The following ARPC2 variants were observed in gnomAD, a reference collection of about 807,000 sequenced individuals.
The protein encoded by ARPC2 is actin related protein 2/3 complex subunit 2.
In ARPC2, 4 loss-of-function variants were observed where a neutral mutation model predicts 38.6. That is an observed-to-expected ratio of 0.10 (90% CI 0.05 to 0.24). ARPC2 has a LOEUF of 0.24. ARPC2 is among the 10% of genes least tolerant of loss of function. The pLI, the probability that ARPC2 is intolerant of heterozygous loss-of-function variation, is 1.00. For missense variants in ARPC2, 229 were observed against 387.3 expected (o/e 0.59, Z 3.43); for synonymous variants, 125 against 140.8 (o/e 0.89, Z 0.79).
intron 7 of ARPC2, 87 bp from the exon 8 acceptor site, chr2:218,245,333 A>G: frequency 6.4e-7 from 1 of 1,560,092 alleles, no homozygotes; most frequent in South Asian, 1.2e-5. Flanking sequence ...TACAAAGGTC[A>G]CACCACATAG....
At chr2:218,223,624 G>T (rs1457698900) in intron 2 of ARPC2, among the ~76,000 whole-genome samples, 1 of 152,170 alleles carries the variant, frequency 6.6e-6, no homozygotes, top group Non-Finnish European at 1.5e-5. Flanking sequence ...ACACCAACCT[G>T]GGAGGTAGAT....
In ARPC2 at chr2:218,218,312, G is replaced by A. The variant is rs979148498; in HGVS notation, c.74+768G>A. 2.0e-5 allele frequency among the ~76,000 whole-genome samples: 3 copies of A among 152,232 alleles called. No individual in the cohort carries two copies. In the East Asian group the frequency reaches 5.8e-4, roughly 29 times the overall value. On this transcript the variant is annotated intron_variant, in intron 2 of 10. Coordinates refer to ENST00000315717, the MANE Select transcript of ARPC2 (RefSeq NM_152862.3). ...CTGTGATTTCTTCTGTGGTAGCCCT[G>A]GCCCAGTTACACACTTCAAAGACTC...
chr2:218,217,444 C>A lies in ARPC2; in HGVS notation c.-8-19C>A, dbSNP rs769263604. ...TACCCACCCTCACCGGCCCTTGTTT[C>A]TCCTTCCCCTGGGGGCAGCCGCCGC... On this transcript the variant is annotated intron_variant, in intron 1 of 10. Coordinates refer to ENST00000315717, the MANE Select transcript of ARPC2 (RefSeq NM_152862.3). 1 of 1,612,842 alleles carries A rather than the reference C, an allele frequency of 6.2e-7. No individual in the cohort carries two copies. Among genetic ancestry groups the A allele is most frequent in the South Asian group, 1.1e-5 (1 of 91,052 alleles).
At chr2:218,217,275 T>G (rs1574570857) in intron 1 of ARPC2, 21 bp downstream of exon 1, 2 of 489,014 alleles carry the variant, frequency 4.1e-6, no homozygotes, top group East Asian at 7.4e-5. Flanking sequence ...TGGGTGGGTG[T>G]CTCCACAGTC....
In ARPC2 at chr2:218,249,397, G is replaced by A. The variant is rs767343116; in HGVS notation, c.710G>A (p.Arg237Gln). Residue 237 changes from arginine (R) to glutamine (Q), a missense_variant, in exon 9 of 11, where the codon CGA becomes CAA. Arg to Gln is a conservative substitution (Grantham distance 43). This residue lies in a region of ARPC2 where 92 missense variants were observed against 152.3 expected (regional missense o/e 0.60). Transcript: ENST00000315717. ...CCTCGTCACACCAATGCCAGTGCTC[G>A]AGACAACACCATCAACCTGATCCAC... The part of the protein sequence containing the change: ...LFPRHTNASA[R>Q]DNTINLIHTF... 7.4e-6 allele frequency: 12 copies of A among 1,613,460 alleles called. No homozygotes were observed. The highest frequency in any genetic ancestry group is 1.1e-5 in the South Asian group (1 of 90,980).
At chr2:218,237,582 TG>T in intron 5 of ARPC2, among the ~76,000 whole-genome samples, 1 of 151,614 alleles carries the variant, frequency 6.6e-6, no homozygotes, top group East Asian at 1.9e-4. Context: ...TTTTTGTTTT[TG>T]TTTTTTTTTT....
At chr2:218,242,235 G>A (rs1689932806) in intron 7 of ARPC2, among the ~76,000 whole-genome samples, 1 of 152,216 alleles carries the variant, frequency 6.6e-6, no homozygotes, top group Non-Finnish European at 1.5e-5. Context: ...CTGAGTACTG[G>A]AGAATGTCTG....
intron 8 of ARPC2, 67 bp from the exon 9 acceptor site, chr2:218,249,294 CTGT>C: frequency 9.8e-7 from 1 of 1,025,498 alleles, no homozygotes; most frequent in Non-Finnish European, 1.5e-6. Context: ...GTTCACTAGG[CTGT>C]TGTTCTTCCC....
At chr2:218,226,137 A>T (rs1379671896) in intron 3 of ARPC2, among the ~76,000 whole-genome samples, 183 bp downstream of exon 3, 1 of 152,088 alleles carries the variant, frequency 6.6e-6, no homozygotes, top group Non-Finnish European at 1.5e-5. Flanking sequence ...TACTAAAAAT[A>T]CAAAAATTAG....
intron 4 of ARPC2, among the ~76,000 whole-genome samples, chr2:218,230,490 G>A (rs143215659): frequency 6.6e-6 from 1 of 151,526 alleles, no homozygotes; most frequent in East Asian, 1.9e-4. Flanking sequence ...AGAGAGAGGA[G>A]GTTTCACTAT....
chr2:218,234,410 G>C lies in ARPC2; in HGVS notation c.268+13G>C. 6.3e-7 allele frequency: 1 copy of C among 1,588,340 alleles called. No individual in the cohort carries two copies. Reference sequence around the variant, plus strand: ...AATCCAGAATCAGGTATGTAGTCATGTGAGCAACTATGGAATGACATGGGA... The same window carrying C: ...AATCCAGAATCAGGTATGTAGTCATCTGAGCAACTATGGAATGACATGGGA... On this transcript the variant is annotated intron_variant, in intron 5 of 10. Coordinates refer to ENST00000315717, the MANE Select transcript of ARPC2 (RefSeq NM_152862.3).
chr2:218,240,324 A>G (rs1689883426), intron 7 of ARPC2, among the ~76,000 whole-genome samples: 1 of 152,192 alleles, frequency 6.6e-6, no homozygotes, highest in African/African-American at 2.4e-5. Context: ...TAAACATACT[A>G]ACTATGAATG....
intron 5 of ARPC2, chr2:218,234,648 C>T (rs766965663): frequency 1.9e-6 from 1 of 529,590 alleles, no homozygotes; most frequent in Non-Finnish European, 3.4e-6. Context: ...CCACATGACT[C>T]TTACTTAATC....
In ARPC2 at chr2:218,249,424, C is replaced by T. The variant is rs779395678; in HGVS notation, c.737C>T (p.Thr246Met). ...ARDNTINLIH[T>M]FRDYLHYHIK... ...GACAACACCATCAACCTGATCCACA[C>T]GTTCCGGGACTACCTGCACTACCAC... The change falls in exon 9 of 11, where the codon ACG becomes ATG. Residue 246 changes from threonine (T) to methionine (M), a missense_variant. This residue lies in a region of ARPC2 where 92 missense variants were observed against 152.3 expected (regional missense o/e 0.60). Coordinates refer to ENST00000315717, the MANE Select transcript of ARPC2 (RefSeq NM_152862.3). 1.4e-5 allele frequency: 22 copies of T among 1,613,504 alleles called. No individual in the cohort carries two copies. The highest frequency in any genetic ancestry group is 1.6e-4 in the Middle Eastern group (1 of 6,082).
chr2:218,218,079 G>C (rs1430473261), intron 2 of ARPC2, among the ~76,000 whole-genome samples: 1 of 152,184 alleles, frequency 6.6e-6, no homozygotes, highest in Admixed American at 6.5e-5. Context: ...CCCAGTCTTA[G>C]AGCCGGAAAA....
In ARPC2 at chr2:218,228,669, A is replaced by G. The variant is rs1473775711; in HGVS notation, c.110-69A>G. 4 of 927,606 alleles carry G rather than the reference A, an allele frequency of 4.3e-6. No individual in the cohort carries two copies. In the Admixed American group the frequency reaches 6.2e-5, roughly 14 times the overall value. The allele number at this position is 927,606 out of a possible 1,614,324, so 57.5% of individuals were successfully genotyped here. On this transcript the variant is annotated intron_variant, in intron 3 of 10. Coordinates refer to ENST00000315717, the MANE Select transcript of ARPC2 (RefSeq NM_152862.3). ...GTGGTCTTCCTTGTGGCCTACGGCA[A>G]GGTAGGCGCTTGGAGAGATTATTTC...
intron 8 of ARPC2, among the ~76,000 whole-genome samples, chr2:218,247,952 TA>T (rs10716505): frequency 0.91 from 132,038 of 145,714 alleles, 60,891 homozygotes; most frequent in East Asian, 1. Context: ...CAAAAAAAAT[TA>T]AAAAAAAAAA....
intron 2 of ARPC2, among the ~76,000 whole-genome samples, chr2:218,225,101 C>T (rs750096344): frequency 3.3e-5 from 5 of 152,088 alleles, no homozygotes; most frequent in Non-Finnish European, 5.9e-5. Flanking sequence ...CAGGTCTGTT[C>T]TTGTGTTATA....
chr2:218,252,550 C>T (rs908253054), intron 10 of ARPC2, among the ~76,000 whole-genome samples: 3 of 152,184 alleles, frequency 2.0e-5, no homozygotes, highest in African/African-American at 7.2e-5. Flanking sequence ...TTTCATGCTG[C>T]TTTCAGGGCC....
Sources: gnomAD v4.1 joint callset for allele counts (sites outside exome capture counted in the v4.1 genomes callset) on GRCh38, gnomAD v4.1.1 for gene constraint, gnomAD v4.1.1 regional missense constraint, MANE v1.5 for transcripts, NCBI Gene and HGNC (gene_info 2026-07-23, HGNC 2026-07-21) for gene names.